The following BCL9 variants were observed in gnomAD, a reference collection of about 807,000 sequenced individuals.
BCL9 encodes the protein B-cell CLL/lymphoma 9 protein.
BCL9 carries 25 observed loss-of-function variants against 88.5 expected under a neutral mutation model. The ratio of observed to expected loss-of-function variants is 0.28; its 90% CI spans 0.21 to 0.39. The LOEUF is 0.39. Ranked by LOEUF, BCL9 falls within the 10% of genes least tolerant of loss-of-function variation. BCL9 has a pLI of 1.00. For missense variants in BCL9, 1,817 were observed against 1,877.8 expected, an observed-to-expected ratio of 0.97 and a Z score of 0.60; for synonymous variants, 711 against 673.3, an observed-to-expected ratio of 1.06 and a Z score of -0.87.
chr1:147,566,004 T>C (rs1655578462), intron 1 of BCL9, among the ~76,000 whole-genome samples: 1 of 152,166 alleles, frequency 6.6e-6, no homozygotes, highest in South Asian at 2.1e-4. Flanking sequence ...TTTCTTACAA[T>C]TATTTTCCCA....
intron 1 of BCL9, among the ~76,000 whole-genome samples, chr1:147,546,236 G>T (rs1184366774): frequency 6.6e-6 from 1 of 151,968 alleles, no homozygotes; most frequent in African/African-American, 2.4e-5. Flanking sequence ...TACTCCGGAG[G>T]CTGAGGCAGG....
At chr1:147,557,431 T>C (rs958687567) in intron 1 of BCL9, among the ~76,000 whole-genome samples, 7 of 152,338 alleles carry the variant, frequency 4.6e-5, no homozygotes, top group African/African-American at 1.4e-4. Flanking sequence ...TAAAGCATCT[T>C]GTATTGAGCA....
intron 7 of BCL9, among the ~76,000 whole-genome samples, 177 bp from the exon 8 acceptor site, chr1:147,618,639 A>AG (rs1658424092): frequency 6.6e-6 from 1 of 151,440 alleles, no homozygotes; most frequent in Non-Finnish European, 1.5e-5. Flanking sequence ...TAAGTTTAAA[A>AG]AAAAAAAAAT....
At chr1:147,568,587 T>C (rs1363121458) in intron 1 of BCL9, among the ~76,000 whole-genome samples, 8 of 152,122 alleles carry the variant, frequency 5.3e-5, no homozygotes, top group Admixed American at 1.3e-4. Context: ...TTTTTTTCTC[T>C]TTTTCAAATG....
intron 9 of BCL9, 100 bp from the exon 10 acceptor site, chr1:147,623,742 A>T: frequency 2.3e-6 from 3 of 1,326,320 alleles, no homozygotes; most frequent in Non-Finnish European, 3.1e-6. Flanking sequence ...GCATTATACT[A>T]TGCACATTGG....
chr1:147,546,515 T>C (rs1300462743), intron 1 of BCL9, among the ~76,000 whole-genome samples: 1 of 152,178 alleles, frequency 6.6e-6, no homozygotes. Flanking sequence ...GTCTGTGGCC[T>C]AGAAATCCCC....
At position 147,624,986 on chromosome 1, in the gene BCL9, TTGTCAAGA is replaced by T. The variant is rs1553206357; in HGVS notation, c.*30_*37del. The T allele has an allele frequency of 1.3e-6, 2 of 1,584,636 alleles. No homozygotes were observed. The highest frequency in any genetic ancestry group is 2.3e-5 in the South Asian group (2 of 88,522). On this transcript the variant is annotated 3_prime_UTR_variant, in exon 10 of 10. Coordinates refer to ENST00000234739, the MANE Select transcript of BCL9 (RefSeq NM_004326.4). The surrounding 1 kb of genome is among the most constrained non-coding windows in gnomAD (Gnocchi z 4.4). ...CTGCTAAGATGGGATGTGCCGATCCTTGTCAAGATGAGATTCCAGGTCCTGAGAGCTGC... is the reference window on the plus strand; with the variant it reads ...CTGCTAAGATGGGATGTGCCGATCCTTGAGATTCCAGGTCCTGAGAGCTGC...
rs781786374 is a variant in BCL9, at chr1:147,624,332, A to G, written c.3654A>G (p.Pro1218=). The part of the protein sequence containing the change: ...GNSMPSVFTD[P]DLQEVIRPGA... Reference sequence around the variant, plus strand: ...GCATGCCTTCGGTGTTTACAGACCCAGATCTGCAGGAGGTCATCCGACCTG... The same window carrying G: ...GCATGCCTTCGGTGTTTACAGACCCGGATCTGCAGGAGGTCATCCGACCTG... The change falls in exon 10 of 10, where the codon CCA becomes CCG. Residue 1218 remains proline (P), a synonymous_variant. Coordinates refer to ENST00000234739, the MANE Select transcript of BCL9 (RefSeq NM_004326.4). This position sits in a 1 kb window ranked among gnomAD's most constrained non-coding sequence, Gnocchi z 4.4. The G allele has an allele frequency of 1.9e-5, 30 of 1,614,220 alleles. No individual in the cohort carries two copies. The highest frequency in any genetic ancestry group is 2.5e-5 in the Non-Finnish European group (29 of 1,180,040).
At position 147,542,324 on chromosome 1, in the gene BCL9, A is replaced by G. The variant is rs587650709; in HGVS notation, c.-478+650A>G. On this transcript the variant is annotated intron_variant, in intron 1 of 9. Coordinates refer to ENST00000234739, the MANE Select transcript of BCL9 (RefSeq NM_004326.4). Reference sequence around the variant, plus strand: ...CACAAGACGATCCAGAAACTTTTCCAGTCTCAGGGATTCCTCTGGTCGTAG... The same window carrying G: ...CACAAGACGATCCAGAAACTTTTCCGGTCTCAGGGATTCCTCTGGTCGTAG... Among the ~76,000 whole-genome samples the G allele has an allele frequency of 5.3e-5, 8 of 152,350 alleles. No homozygotes were observed. The South Asian group carries it at 1.4e-3, about 28-fold the overall frequency.
Position 147,620,450 on chromosome 1 carries a change from G to T in BCL9, c.2295G>T (p.Val765=). Residue 765 remains valine, a synonymous_variant, in exon 8 of 10, where the codon GTG becomes GTT. Coordinates refer to ENST00000234739, the MANE Select transcript of BCL9 (RefSeq NM_004326.4). ...SDMLPAQQKM[V]PLPFGEHPQQ... is the part of the protein sequence containing the mutation. The stretch of plus-strand genomic sequence containing the variant: ...TGCTGCCTGCTCAGCAGAAGATGGT[G>T]CCACTGCCATTTGGTGAGCACCCCC... 6.2e-7 allele frequency: 1 copy of T among 1,614,062 alleles called. No individual in the cohort carries two copies.
At chr1:147,563,942 C>T (rs1245754669) in intron 1 of BCL9, among the ~76,000 whole-genome samples, 1 of 152,158 alleles carries the variant, frequency 6.6e-6, no homozygotes, top group Non-Finnish European at 1.5e-5. Context: ...AACGTTAAAT[C>T]CTTTGAACTG....
In BCL9 at chr1:147,562,274, A is replaced by G. The variant is rs973813162; in HGVS notation, c.-478+20600A>G. Among the ~76,000 whole-genome samples the G allele has an allele frequency of 7.9e-5, 12 of 152,274 alleles. No homozygotes were observed. The East Asian group carries it at 1.5e-3, about 20-fold the overall frequency. ...AACTCAGGAGGCAGAGATTGCGGTGAGCTGAGATCTCACCATTGCACTCCA... is the reference window on the plus strand; with the variant it reads ...AACTCAGGAGGCAGAGATTGCGGTGGGCTGAGATCTCACCATTGCACTCCA... On this transcript the variant is annotated intron_variant, in intron 1 of 9. Transcript: ENST00000234739.
chr1:147,565,378 A>G (rs191386353), intron 1 of BCL9, among the ~76,000 whole-genome samples: 82 of 152,366 alleles, frequency 5.4e-4, no homozygotes, highest in African/African-American at 1.8e-3. Flanking sequence ...CATTCCTCTC[A>G]CAGAAGTGCT....
chr1:147,547,166 C>T (rs191544669), intron 1 of BCL9, among the ~76,000 whole-genome samples: 8 of 152,094 alleles, frequency 5.3e-5, no homozygotes, highest in African/African-American at 1.9e-4. Flanking sequence ...TGAAGACTTG[C>T]TGATATGTTA....
At chr1:147,541,903 A>G (rs1553193849) in intron 1 of BCL9, among the ~76,000 whole-genome samples, 1 of 136,476 alleles carries the variant, frequency 7.3e-6, no homozygotes, top group African/African-American at 2.7e-5. Flanking sequence ...GAAGGGGTGG[A>G]TGGAGAGGGC....
At chr1:147,565,182 A>C (rs1288171330) in intron 1 of BCL9, among the ~76,000 whole-genome samples, 2 of 152,206 alleles carry the variant, frequency 1.3e-5, no homozygotes, top group Non-Finnish European at 2.9e-5. Context: ...CAATGACTAC[A>C]TCACAGACTG....
intron 1 of BCL9, among the ~76,000 whole-genome samples, chr1:147,567,484 G>T (rs1655661020): frequency 6.6e-6 from 1 of 152,094 alleles, no homozygotes; most frequent in Non-Finnish European, 1.5e-5. Context: ...TATGCCTAAA[G>T]GAAATTTGGG....
intron 1 of BCL9, among the ~76,000 whole-genome samples, chr1:147,562,526 C>T (rs1303775796): frequency 1.3e-5 from 2 of 151,912 alleles, no homozygotes; most frequent in South Asian, 2.1e-4. Flanking sequence ...ATCAGAAGAC[C>T]AGTTTGAGAG....
At position 147,625,102 on chromosome 1, in the gene BCL9, A is replaced by T. The variant is rs587657062; in HGVS notation, c.*143A>T. 31 of 951,078 alleles carry T rather than the reference A, an allele frequency of 3.3e-5. No individual in the cohort carries two copies. The highest frequency in any genetic ancestry group is 3.4e-4 in the Middle Eastern group (1 of 2,962). The allele number at this position is 951,078 out of a possible 1,614,324, so 58.9% of individuals were successfully genotyped here. Reference sequence around the variant, plus strand: ...GAGGGCTGCTTTGGGGGAGGGGGGAACTCGAGAATGTATGGATTTACCTGA... The same window carrying T: ...GAGGGCTGCTTTGGGGGAGGGGGGATCTCGAGAATGTATGGATTTACCTGA... On this transcript the variant is annotated 3_prime_UTR_variant, in exon 10 of 10. Coordinates refer to ENST00000234739, the MANE Select transcript of BCL9 (RefSeq NM_004326.4).
Sources: gnomAD v4.1 joint callset for allele counts (sites outside exome capture counted in the v4.1 genomes callset) on GRCh38, gnomAD v4.1.1 for gene constraint, Gnocchi (gnomAD v3.1) non-coding constraint, MANE v1.5 for transcripts, NCBI Gene and HGNC (gene_info 2026-07-23, HGNC 2026-07-21) for gene names.